The following TARBP1 variants were observed in gnomAD, a reference collection of about 807,000 sequenced individuals.
TARBP1 encodes the protein tRNA (guanosine(18)-2'-O)-methyltransferase TARBP1.
TARBP1 carries 144 observed loss-of-function variants against 178.6 expected under a neutral mutation model. The observed-to-expected ratio is 0.81, with a 90% confidence interval of 0.70 to 0.93. The LOEUF is 0.93. Among genes scored for constraint, TARBP1 ranks in the 40% least tolerant of loss-of-function variants. TARBP1 has a pLI of 0.00. For synonymous variants in TARBP1, 787 were observed against 781.0 expected, an observed-to-expected ratio of 1.01 and a Z score of -0.13; for missense variants, 2,067 against 2,011.7, an observed-to-expected ratio of 1.03 and a Z score of -0.53.
At chr1:234,442,485 C>T (rs919106383) in intron 12 of TARBP1, among the ~76,000 whole-genome samples, 1 of 152,018 alleles carries the variant, frequency 6.6e-6, no homozygotes, top group African/African-American at 2.4e-5. Flanking sequence ...TATTATATAG[C>T]CTCTGGAGTA....
At chr1:234,473,712 T>C (rs1167070633) in intron 1 of TARBP1, among the ~76,000 whole-genome samples, 3 of 152,216 alleles carry the variant, frequency 2.0e-5, no homozygotes. Flanking sequence ...GCACCACTCA[T>C]GGGCTTAGAG....
intron 12 of TARBP1, among the ~76,000 whole-genome samples, chr1:234,438,494 A>G (rs1665263563): frequency 6.6e-6 from 1 of 152,264 alleles, no homozygotes; most frequent in African/African-American, 2.4e-5. Flanking sequence ...GAAAAGTACA[A>G]TAACTGAAAT....
In TARBP1 at chr1:234,395,243, A is replaced by C. The variant is rs533548484; in HGVS notation, c.4244-1406T>G. Among the ~76,000 whole-genome samples, 15 of 152,352 alleles carry C rather than the reference A, an allele frequency of 9.8e-5. No individual in the cohort carries two copies. In the East Asian group the frequency reaches 2.3e-3, roughly 23 times the overall value. Reference sequence around the variant, plus strand: ...GAGACTCCGTCTCAAAGAAAAAAAAAAATTATTCCACAGTTAAAAACCATT... The same window carrying C: ...GAGACTCCGTCTCAAAGAAAAAAAACAATTATTCCACAGTTAAAAACCATT... On this transcript the variant is annotated intron_variant, in intron 26 of 29. Transcript: ENST00000040877.
At chr1:234,426,998 G>C (rs1431172909) in intron 19 of TARBP1, among the ~76,000 whole-genome samples, 1 of 152,138 alleles carries the variant, frequency 6.6e-6, no homozygotes, top group African/African-American at 2.4e-5. Flanking sequence ...GGAGAATAAA[G>C]TGTCTGTGCT....
chr1:234,400,957 T>G, intron 25 of TARBP1: 1 of 375,122 alleles, frequency 2.7e-6, no homozygotes, highest in Non-Finnish European at 4.9e-6. Context: ...GCCTGAGAAA[T>G]AGAAAGTGAA....
chr1:234,447,131 T>C (rs1009866186), intron 11 of TARBP1, among the ~76,000 whole-genome samples, 156 bp from the exon 12 acceptor site: 4 of 152,092 alleles, frequency 2.6e-5, no homozygotes, highest in Non-Finnish European at 4.4e-5. Context: ...TGAGGACTCA[T>C]CTTCTGGTCC....
chr1:234,433,479 A>G lies in TARBP1; in HGVS notation c.2325T>C (p.Pro775=). ...TCAAAAGAGAAATAACTCTCCAGAT[A>G]GGGTTACCCCTTTTCCACCCAACCT... The part of the protein sequence containing the change: ...HLKVGWKRGN[P]IWRVISLLKN... Residue 775 remains proline, a synonymous_variant, in exon 14 of 30, where the codon CCT becomes CCC. Transcript: ENST00000040877. 1.2e-6 allele frequency: 2 copies of G among 1,614,154 alleles called. No homozygotes were observed. Among genetic ancestry groups the G allele is most frequent in the Non-Finnish European group, 1.7e-6 (2 of 1,180,012 alleles).
chr1:234,431,346 G>A (rs532930261), intron 14 of TARBP1, among the ~76,000 whole-genome samples: 1 of 152,302 alleles, frequency 6.6e-6, no homozygotes, highest in Non-Finnish European at 1.5e-5. Context: ...AAAGGAAGCC[G>A]ATTTTTAAGA....
rs192475256 is a variant in TARBP1, at chr1:234,462,506, C to T, written c.1399+1331G>A. Among the ~76,000 whole-genome samples, 250 of 152,148 alleles carry T rather than the reference C, an allele frequency of 1.6e-3. 1 individual carries two copies. In the Middle Eastern group the frequency reaches 0.027, roughly 17 times the overall value. ...AACATCGAGACCATACTGGCCAACA[C>T]GGTGAAACCCTGTCTCTACTAAGAA... On this transcript the variant is annotated intron_variant, in intron 6 of 29. Transcript: ENST00000040877.
At chr1:234,415,763 G>T (rs1481429355) in intron 22 of TARBP1, among the ~76,000 whole-genome samples, 1 of 152,192 alleles carries the variant, frequency 6.6e-6, no homozygotes, top group Non-Finnish European at 1.5e-5. Context: ...GTGTCCAGTG[G>T]GGTAATGTCC....
intron 1 of TARBP1, among the ~76,000 whole-genome samples, chr1:234,477,807 A>T (rs562297035): frequency 9.2e-5 from 14 of 152,342 alleles, no homozygotes; most frequent in African/African-American, 2.6e-4. Flanking sequence ...TAAATAACAA[A>T]TAATTTTTCT....
intron 22 of TARBP1, among the ~76,000 whole-genome samples, chr1:234,413,951 A>G (rs1377900778): frequency 6.6e-6 from 1 of 152,212 alleles, no homozygotes; most frequent in Non-Finnish European, 1.5e-5. Context: ...AACTGTATAG[A>G]TGGTGGTGGT....
intron 12 of TARBP1, 148 bp downstream of exon 12, chr1:234,446,655 A>G (rs1477525818): frequency 2.0e-5 from 6 of 304,628 alleles, no homozygotes; most frequent in Non-Finnish European, 2.6e-5. Context: ...TTCTTAATAT[A>G]TAATTATATA....
At chr1:234,413,476 A>AAAACG (rs71170481) in intron 22 of TARBP1, among the ~76,000 whole-genome samples, 11 of 79,192 alleles carry the variant, frequency 1.4e-4, no homozygotes, top group Non-Finnish European at 2.6e-4. Context: ...CTCCATTGCA[A>AAAACG]AAACAAAACA....
chr1:234,463,620 T>C (rs1048468928), intron 6 of TARBP1, among the ~76,000 whole-genome samples: 1 of 152,218 alleles, frequency 6.6e-6, no homozygotes, highest in African/African-American at 2.4e-5. Flanking sequence ...ACCTCCATGC[T>C]ACTCATGCCA....
At chr1:234,450,678 G>T in intron 9 of TARBP1, 112 bp from the exon 10 acceptor site, 1 of 1,207,584 alleles carries the variant, frequency 8.3e-7, no homozygotes, top group Non-Finnish European at 1.1e-6. Flanking sequence ...TTAAATAATC[G>T]AATACAAAGT....
chr1:234,460,344 A>G lies in TARBP1; in HGVS notation c.1452T>C (p.Ala484=), dbSNP rs201102323. The change falls in exon 7 of 30, where the codon GCT becomes GCC. Residue 484 remains alanine, a synonymous_variant. Coordinates refer to ENST00000040877, the MANE Select transcript of TARBP1 (RefSeq NM_005646.4). ...CCTTAGATAGAAACAAAATGGGAAC[A>G]GCACACCAATGCCTACTTGTCATCT... The part of the protein sequence containing the change: ...IRKMTSRHWC[A]VPILFLSKAL... 2.9e-5 allele frequency: 47 copies of G among 1,614,260 alleles called. No homozygotes were observed. Among genetic ancestry groups the G allele is most frequent in the Non-Finnish European group, 3.7e-5 (44 of 1,180,040 alleles).
chr1:234,393,686 G>T lies in TARBP1; in HGVS notation c.4395C>A (p.Ile1465=). ...GTTTGTCGATGAGCGAGGCCACAAC[G>T]ATGAGTCTACTAATTGACTTTCCAA... ...ARLGKSISRL[I]VVASLIDKPT... Residue 1465 remains isoleucine (I), a synonymous_variant, in exon 27 of 30, where the codon ATC becomes ATA. Transcript: ENST00000040877. The T allele has an allele frequency of 2.5e-6, 4 of 1,613,790 alleles. No homozygotes were observed. Among genetic ancestry groups the T allele is most frequent in the Non-Finnish European group, 3.4e-6 (4 of 1,179,890 alleles).
intron 22 of TARBP1, among the ~76,000 whole-genome samples, chr1:234,415,727 T>C (rs529599256): frequency 1.1e-4 from 16 of 152,194 alleles, no homozygotes; most frequent in Non-Finnish European, 1.8e-4. Flanking sequence ...CAGCTGGCTA[T>C]AGCAAAGCCC....
Sources: gnomAD v4.1 joint callset for allele counts (sites outside exome capture counted in the v4.1 genomes callset) on GRCh38, gnomAD v4.1.1 for gene constraint, MANE v1.5 for transcripts, NCBI Gene and HGNC (gene_info 2026-07-23, HGNC 2026-07-21) for gene names.